The following CDH4 variants were observed in gnomAD, a reference collection of about 807,000 sequenced individuals.
CDH4 encodes the protein cadherin 4, also known as cadherin-4.
A neutral mutation model predicts 86.0 loss-of-function variants in CDH4; 33 were observed. The ratio of observed to expected loss-of-function variants is 0.38; its 90% CI spans 0.29 to 0.51. The LOEUF is 0.51. Ranked by LOEUF, CDH4 falls within the 20% of genes least tolerant of loss-of-function variation. The pLI, the probability that CDH4 is intolerant of heterozygous loss-of-function variation, is 0.86. For synonymous variants in CDH4, 555 were observed against 549.4 expected, an observed-to-expected ratio of 1.01 and a Z score of -0.14; for missense variants, 1,114 against 1,307.4, an observed-to-expected ratio of 0.85 and a Z score of 2.28.
At chr20:61,607,182 T>G (rs1297572107) in intron 2 of CDH4, among the ~76,000 whole-genome samples, 2 of 152,206 alleles carry the variant, frequency 1.3e-5, no homozygotes, top group East Asian at 3.8e-4. Flanking sequence ...CCCCTCAATG[T>G]AGGACCAGAC....
intron 2 of CDH4, among the ~76,000 whole-genome samples, chr20:61,498,171 C>T (rs573850048): frequency 4.6e-5 from 7 of 151,652 alleles, no homozygotes; most frequent in Admixed American, 1.3e-4. Flanking sequence ...CTAACCTGCA[C>T]GTTGTGCTCA....
chr20:61,899,245 A>C (rs1985271066), intron 8 of CDH4, among the ~76,000 whole-genome samples: 2 of 151,792 alleles, frequency 1.3e-5, no homozygotes, highest in African/African-American at 4.8e-5. Flanking sequence ...TGGAGGGTGC[A>C]GTGAATCGAG....
At chr20:61,442,671 G>C (rs756430247) in intron 2 of CDH4, among the ~76,000 whole-genome samples, 2 of 152,196 alleles carry the variant, frequency 1.3e-5, no homozygotes, top group Admixed American at 1.3e-4. Context: ...CCTCATCCAC[G>C]ATCAGTGACT....
At chr20:61,877,407 C>T (rs952024497) in intron 7 of CDH4, among the ~76,000 whole-genome samples, 2 of 141,394 alleles carry the variant, frequency 1.4e-5, no homozygotes, top group Non-Finnish European at 3.1e-5. Flanking sequence ...GCGTGGCCTG[C>T]AAAATGTTCC....
chr20:61,619,318 G>A (rs1246695696), intron 2 of CDH4, among the ~76,000 whole-genome samples: 1 of 152,170 alleles, frequency 6.6e-6, no homozygotes, highest in Non-Finnish European at 1.5e-5. Flanking sequence ...CTTCACCTCT[G>A]TGCTTCCTGC....
At chr20:61,891,671 C>T (rs1984826540) in intron 7 of CDH4, among the ~76,000 whole-genome samples, 1 of 152,166 alleles carries the variant, frequency 6.6e-6, no homozygotes, top group Non-Finnish European at 1.5e-5. Context: ...GAGCCCTGGC[C>T]CCATGTAGGC....
intron 2 of CDH4, among the ~76,000 whole-genome samples, chr20:61,380,525 C>CGT (rs1450128885): frequency 5.3e-5 from 8 of 151,618 alleles, no homozygotes; most frequent in Non-Finnish European, 8.8e-5. Flanking sequence ...ATCCTACAAA[C>CGT]CCCCCTGCCC....
intron 2 of CDH4, among the ~76,000 whole-genome samples, chr20:61,739,544 C>T (rs919829994): frequency 2.0e-5 from 3 of 152,230 alleles, no homozygotes; most frequent in African/African-American, 7.2e-5. Context: ...AACATCCCAG[C>T]CAGGCCTGAG....
At chr20:61,344,342 AT>A (rs2084665284) in intron 2 of CDH4, among the ~76,000 whole-genome samples, 1 of 152,182 alleles carries the variant, frequency 6.6e-6, no homozygotes, top group African/African-American at 2.4e-5. Flanking sequence ...TCATTTGGGA[AT>A]TACTGCAGGA....
At chr20:61,476,684 G>T (rs1344919249) in intron 2 of CDH4, among the ~76,000 whole-genome samples, 1 of 152,206 alleles carries the variant, frequency 6.6e-6, no homozygotes, top group Admixed American at 6.5e-5. Context: ...TAAGTGTTAG[G>T]CTGGGCGAGA....
chr20:61,861,885 C>T (rs192955391), intron 6 of CDH4, among the ~76,000 whole-genome samples: 5 of 152,268 alleles, frequency 3.3e-5, no homozygotes, highest in Admixed American at 2.6e-4. Flanking sequence ...CAGGTGGGAA[C>T]GCAGGAACCC....
chr20:61,534,661 CTTTCTTT>C (rs1335568139), intron 2 of CDH4, among the ~76,000 whole-genome samples: 37 of 89,266 alleles, frequency 4.1e-4, no homozygotes, highest in African/African-American at 2.7e-3. Context: ...TTCTTTCTTT[CTTTCTTT>C]TTTTTTTTTT....
chr20:61,607,021 G>A (rs2086650995), intron 2 of CDH4, among the ~76,000 whole-genome samples: 1 of 152,262 alleles, frequency 6.6e-6, no homozygotes, highest in South Asian at 2.1e-4. Flanking sequence ...TGGCCGGTCT[G>A]TGGTGGGTGA....
At chr20:61,323,985 G>T (rs2084523678) in intron 2 of CDH4, among the ~76,000 whole-genome samples, 1 of 152,214 alleles carries the variant, frequency 6.6e-6, no homozygotes, top group Non-Finnish European at 1.5e-5. Flanking sequence ...CAGCACATTT[G>T]AGGGGAGATC....
intron 2 of CDH4, among the ~76,000 whole-genome samples, chr20:61,368,101 C>G (rs1250260550): frequency 6.6e-6 from 1 of 152,142 alleles, no homozygotes; most frequent in African/African-American, 2.4e-5. Flanking sequence ...AAAGTCCTGA[C>G]CTCATGATCC....
chr20:61,834,267 C>A (rs1249553676), intron 4 of CDH4, among the ~76,000 whole-genome samples: 1 of 152,356 alleles, frequency 6.6e-6, no homozygotes, highest in East Asian at 1.9e-4. Context: ...GCCCCTTGCC[C>A]CCCCTCACTC....
At chr20:61,279,703 T>G (rs1695675002) in intron 2 of CDH4, among the ~76,000 whole-genome samples, 1 of 152,150 alleles carries the variant, frequency 6.6e-6, no homozygotes, top group Non-Finnish European at 1.5e-5. Context: ...GGCCCATCCT[T>G]CCAATTTCCG....
intron 2 of CDH4, among the ~76,000 whole-genome samples, chr20:61,741,210 A>T (rs934733046): frequency 6.6e-6 from 1 of 152,124 alleles, no homozygotes; most frequent in Admixed American, 6.5e-5. Flanking sequence ...CTCCATCTCA[A>T]AAAACAACAA....
Position 61,937,023 on chromosome 20 carries a change from T to C in CDH4, c.*80T>C. 8.0e-7 allele frequency: 1 copy of C among 1,245,798 alleles called. No homozygotes were observed. Among genetic ancestry groups the C allele is most frequent in the Non-Finnish European group, 1.1e-6 (1 of 909,834 alleles). 77.2% of individuals were successfully genotyped at this position (1,245,798 alleles called of 1,614,324 possible). A position where few individuals can be genotyped will look rare whatever the true frequency, so the allele number is the denominator to read the frequency against. ...AGGACTGAGCAGAGGCGGCCGGTCT[T>C]CCCGACTCCCTGCGGCTGTGTCCTT... On this transcript the variant is annotated 3_prime_UTR_variant, in exon 16 of 16. Transcript: ENST00000614565.
Sources: gnomAD v4.1 joint callset for allele counts (sites outside exome capture counted in the v4.1 genomes callset) on GRCh38, gnomAD v4.1.1 for gene constraint, MANE v1.5 for transcripts, NCBI Gene and HGNC (gene_info 2026-07-23, HGNC 2026-07-21) for gene names.